Variants in CFAP299 observed in about 807,000 individuals in gnomAD.
CFAP299 encodes the protein cilia- and flagella-associated protein 299.
CFAP299 carries 21 observed loss-of-function variants against 27.0 expected under a neutral mutation model. That is an observed-to-expected ratio of 0.78 (90% CI 0.55 to 1.12). The LOEUF is 1.12. Among genes scored for constraint, CFAP299 ranks in the 50% most tolerant of loss-of-function variants. The pLI is 0.00. For missense variants in CFAP299, 310 were observed against 276.6 expected, an observed-to-expected ratio of 1.12 and a Z score of -0.86; for synonymous variants, 104 against 98.1, an observed-to-expected ratio of 1.06 and a Z score of -0.36.
At chr4:80,533,853 GTGT>G (rs1465264136) in intron 2 of CFAP299, among the ~76,000 whole-genome samples, 5 of 151,600 alleles carry the variant, frequency 3.3e-5, no homozygotes, top group African/African-American at 4.9e-5. Context: ...CTTTAAAGTA[GTGT>G]TGTAAAAAAA....
chr4:80,542,941 A>T (rs1397414790), intron 2 of CFAP299, among the ~76,000 whole-genome samples: 1 of 152,010 alleles, frequency 6.6e-6, no homozygotes, highest in African/African-American at 2.4e-5. Context: ...ACAACCAAGC[A>T]TCCCCCACCA....
At chr4:80,612,177 A>T (rs1014805875) in intron 3 of CFAP299, among the ~76,000 whole-genome samples, 3 of 151,988 alleles carry the variant, frequency 2.0e-5, no homozygotes, top group Admixed American at 2.0e-4. Context: ...TTTCCAGAAC[A>T]CAAAGGAAGT....
At chr4:80,953,749 T>A (rs1737905834) in intron 5 of CFAP299, among the ~76,000 whole-genome samples, 2 of 152,270 alleles carry the variant, frequency 1.3e-5, no homozygotes, top group South Asian at 4.1e-4. Flanking sequence ...TATATATTTT[T>A]TGAATTTTGA....
intron 3 of CFAP299, among the ~76,000 whole-genome samples, chr4:80,710,360 T>G (rs2110035757): frequency 6.6e-6 from 1 of 152,190 alleles, no homozygotes; most frequent in South Asian, 2.1e-4. Flanking sequence ...AGTTTGTGAT[T>G]GAAAGAAGAA....
intron 4 of CFAP299, among the ~76,000 whole-genome samples, chr4:80,922,965 G>A (rs1267839831): frequency 2.0e-5 from 3 of 151,514 alleles, no homozygotes; most frequent in Non-Finnish European, 4.4e-5. Context: ...AATGATAAGC[G>A]ATCAGCTATT....
At chr4:80,784,345 C>T (rs1290666916) in intron 3 of CFAP299, among the ~76,000 whole-genome samples, 1 of 152,040 alleles carries the variant, frequency 6.6e-6, no homozygotes, top group Non-Finnish European at 1.5e-5. Flanking sequence ...TTCTTCACAC[C>T]CTCGCCAACA....
At chr4:80,474,940 T>C (rs1454201278) in intron 2 of CFAP299, among the ~76,000 whole-genome samples, 1 of 152,100 alleles carries the variant, frequency 6.6e-6, no homozygotes, top group Non-Finnish European at 1.5e-5. Flanking sequence ...AAAAGGTGAC[T>C]GGGTGACTTG....
intron 3 of CFAP299, among the ~76,000 whole-genome samples, chr4:80,643,711 G>T (rs1034290992): frequency 6.6e-6 from 1 of 152,094 alleles, no homozygotes; most frequent in South Asian, 2.1e-4. Context: ...TTGACCATAG[G>T]AACTTATAGA....
At chr4:80,810,672 GA>G (rs1345339353) in intron 3 of CFAP299, among the ~76,000 whole-genome samples, 1 of 151,998 alleles carries the variant, frequency 6.6e-6, no homozygotes, top group African/African-American at 2.4e-5. Context: ...CCTCCAGAAG[GA>G]ACCAATCATG....
intron 2 of CFAP299, among the ~76,000 whole-genome samples, chr4:80,398,046 G>C (rs1036036264): frequency 1.3e-5 from 2 of 152,088 alleles, no homozygotes; most frequent in African/African-American, 2.4e-5. Flanking sequence ...ACCAATAACA[G>C]ACAAACAGAG....
rs181113115 is a variant in CFAP299, at chr4:80,458,467, C to A, written c.242+95583C>A. ...AAAAAAATCTTATTTCTGAAAAAAT[C>A]TTTTTTCTGCCTTTTTAAAAAAATC... is the stretch of plus-strand genomic sequence containing the variant. On this transcript the variant is annotated intron_variant, in intron 2 of 5. Transcript: ENST00000358105. Among the ~76,000 whole-genome samples the A allele has an allele frequency of 5.1e-3, 770 of 152,168 alleles. 6 individuals carry two copies. The highest frequency in any genetic ancestry group is 0.018 in the African/African-American group (734 of 41,524).
chr4:80,831,144 G>T (rs1285558635), intron 3 of CFAP299, among the ~76,000 whole-genome samples: 3 of 152,078 alleles, frequency 2.0e-5, no homozygotes, highest in Non-Finnish European at 4.4e-5. Context: ...GAAGAAAATA[G>T]GAGAGGATGT....
chr4:80,718,315 T>C (rs1479061998), intron 3 of CFAP299, among the ~76,000 whole-genome samples: 1 of 152,134 alleles, frequency 6.6e-6, no homozygotes, highest in Non-Finnish European at 1.5e-5. Context: ...TTTGGCCTGG[T>C]ATCTTTGGTA....
intron 2 of CFAP299, chr4:80,420,390 G>T (rs1171247023): frequency 1.1e-5 from 3 of 274,740 alleles, no homozygotes; most frequent in Non-Finnish European, 2.3e-5. Flanking sequence ...TGTCAAGGAA[G>T]TATATTTTGG....
chr4:80,940,332 G>GCT (rs1395548253), intron 4 of CFAP299, among the ~76,000 whole-genome samples: 4 of 152,228 alleles, frequency 2.6e-5, no homozygotes, highest in Admixed American at 2.6e-4. Context: ...AGCCTCTTGG[G>GCT]TACCATTCCA....
chr4:80,907,049 A>T (rs1428007256), intron 4 of CFAP299, among the ~76,000 whole-genome samples: 5 of 152,138 alleles, frequency 3.3e-5, no homozygotes, highest in African/African-American at 1.2e-4. Context: ...CTTCCTCTTG[A>T]ACACTTTGCT....
intron 2 of CFAP299, among the ~76,000 whole-genome samples, chr4:80,518,855 G>T (rs993621253): frequency 6.6e-6 from 1 of 152,136 alleles, no homozygotes; most frequent in African/African-American, 2.4e-5. Context: ...GAAGTAAGTA[G>T]AACTTTGCTT....
At chr4:80,388,176 G>T in intron 2 of CFAP299, 1 of 685,560 alleles carries the variant, frequency 1.5e-6, no homozygotes, top group South Asian at 1.6e-5. Flanking sequence ...AGTGGTGGAG[G>T]AGGGGGTGAA....
intron 3 of CFAP299, among the ~76,000 whole-genome samples, chr4:80,664,674 G>A (rs1271037194): frequency 1.3e-5 from 2 of 152,094 alleles, no homozygotes; most frequent in East Asian, 3.9e-4. Flanking sequence ...GCTCCCTGGG[G>A]GTGGGATCGG....
Sources: gnomAD v4.1 joint callset for allele counts (sites outside exome capture counted in the v4.1 genomes callset) on GRCh38, gnomAD v4.1.1 for gene constraint, MANE v1.5 for transcripts, NCBI Gene and HGNC (gene_info 2026-07-23, HGNC 2026-07-21) for gene names.